CSMD1: variants seen among roughly 807,000 people sequenced by gnomAD.
CSMD1 encodes the protein CUB and Sushi multiple domains 1, also known as CUB and sushi domain-containing protein 1.
In CSMD1, 213 loss-of-function variants were observed where a neutral mutation model predicts 417.5. The ratio of observed to expected loss-of-function variants is 0.51; its 90% CI spans 0.46 to 0.57. CSMD1 has a LOEUF of 0.57. Among genes scored for constraint, CSMD1 ranks in the 20% least tolerant of loss-of-function variants. The probability of loss-of-function intolerance (pLI) is 0.00; values close to 1 mark genes in which losing one functional copy is unlikely to be tolerated. For missense variants in CSMD1, 6,923 were observed against 4,529.7 expected (o/e 1.53, Z -15.17); for synonymous variants, 2,862 against 1,736.8 (o/e 1.65, Z -16.11).
intron 3 of CSMD1, among the ~76,000 whole-genome samples, chr8:4,144,853 G>T (rs921792369): frequency 6.6e-6 from 1 of 150,918 alleles, no homozygotes; most frequent in African/African-American, 2.5e-5. Flanking sequence ...GGAACCAGGG[G>T]AATTGTGTCC....
intron 2 of CSMD1, among the ~76,000 whole-genome samples, chr8:4,483,181 T>A (rs562756350): frequency 6.6e-6 from 1 of 152,286 alleles, no homozygotes; most frequent in Admixed American, 6.5e-5. Flanking sequence ...CCATTTCACT[T>A]GGTTCTCATT....
intron 3 of CSMD1, among the ~76,000 whole-genome samples, chr8:4,325,599 C>A (rs911727036): frequency 7.9e-5 from 12 of 152,120 alleles, no homozygotes; most frequent in African/African-American, 2.9e-4. Context: ...TTATAGTAGG[C>A]AGGGCAACAT....
chr8:4,020,675 G>C (rs79716520), intron 4 of CSMD1, among the ~76,000 whole-genome samples: 3,696 of 152,266 alleles, frequency 0.024, 66 homozygotes, highest in Non-Finnish European at 0.035. Flanking sequence ...AGATAACAAA[G>C]CTGTTTTCAT....
chr8:4,053,727 A>T (rs1798551839), intron 3 of CSMD1, among the ~76,000 whole-genome samples: 2 of 152,122 alleles, frequency 1.3e-5, no homozygotes, highest in South Asian at 4.1e-4. Flanking sequence ...AATGCTCCAG[A>T]ACTGGCTTCT....
At chr8:3,510,500 C>A (rs1014879605) in intron 10 of CSMD1, among the ~76,000 whole-genome samples, 6 of 151,812 alleles carry the variant, frequency 4.0e-5, no homozygotes, top group Non-Finnish European at 7.4e-5. Flanking sequence ...AAAATGAGGT[C>A]TTAGGAAAGA....
chr8:4,309,896 C>A (rs961188909), intron 3 of CSMD1, among the ~76,000 whole-genome samples: 1 of 152,136 alleles, frequency 6.6e-6, no homozygotes, highest in Non-Finnish European at 1.5e-5. Flanking sequence ...ACATGTGCTT[C>A]AACTATGAAA....
intron 27 of CSMD1, among the ~76,000 whole-genome samples, chr8:3,229,260 A>G (rs924243393): frequency 5.3e-5 from 8 of 152,230 alleles, no homozygotes; most frequent in Non-Finnish European, 2.9e-5. Context: ...CAGACAGATT[A>G]TAAAGAAGTA....
intron 47 of CSMD1, among the ~76,000 whole-genome samples, chr8:3,095,272 T>C (rs1041035840): frequency 3.9e-5 from 6 of 152,114 alleles, no homozygotes; most frequent in Admixed American, 1.3e-4. Context: ...GCCTGTGAGG[T>C]TGGATGCTCT....
intron 7 of CSMD1, among the ~76,000 whole-genome samples, chr8:3,695,116 G>GTGTGTGTGTGTGT (rs61279256): frequency 1.1e-4 from 17 of 150,858 alleles, no homozygotes; most frequent in East Asian, 2.0e-4. Context: ...GTGTGTGTGT[G>GTGTGTGTGTGTGT]GTTATTGAAG....
intron 39 of CSMD1, among the ~76,000 whole-genome samples, chr8:3,156,291 G>A (rs770802315): frequency 6.6e-6 from 1 of 152,190 alleles, no homozygotes; most frequent in Non-Finnish European, 1.5e-5. Flanking sequence ...AAGACTGTGG[G>A]GAACAATAAA....
At chr8:4,905,768 C>T (rs13253639) in intron 1 of CSMD1, among the ~76,000 whole-genome samples, 39,923 of 140,346 alleles carry the variant, frequency 0.28, 6,726 homozygotes, top group Non-Finnish European at 0.4. Flanking sequence ...TGCAGTGAGC[C>T]GAGATTGTGC....
intron 3 of CSMD1, among the ~76,000 whole-genome samples, chr8:4,303,420 C>CTTTTTTTTT (rs1563419612): frequency 1.6e-4 from 15 of 92,314 alleles, no homozygotes; most frequent in African/African-American, 3.9e-4. Context: ...GGGCAGGAAG[C>CTTTTTTTTT]TGTTTTTTTT....
At chr8:3,883,279 C>T (rs1806326551) in intron 5 of CSMD1, among the ~76,000 whole-genome samples, 1 of 152,082 alleles carries the variant, frequency 6.6e-6, no homozygotes, top group South Asian at 2.1e-4. Context: ...GTATTTCCAG[C>T]TCACATGTTT....
At chr8:4,679,953 G>A (rs549763099) in intron 1 of CSMD1, among the ~76,000 whole-genome samples, 2 of 152,134 alleles carry the variant, frequency 1.3e-5, no homozygotes, top group Non-Finnish European at 2.9e-5. Flanking sequence ...TAACAGGGCA[G>A]ATTTAGAACC....
intron 2 of CSMD1, among the ~76,000 whole-genome samples, chr8:4,452,523 C>T (rs901783559): frequency 5.3e-5 from 8 of 152,280 alleles, no homozygotes; most frequent in African/African-American, 1.9e-4. Flanking sequence ...AGTTCATTAA[C>T]TCAACAATTA....
intron 49 of CSMD1, among the ~76,000 whole-genome samples, chr8:3,066,670 G>A (rs1237683358): frequency 6.6e-6 from 1 of 152,134 alleles, no homozygotes; most frequent in Non-Finnish European, 1.5e-5. Flanking sequence ...AATCGTATTT[G>A]TCAAATGGCT....
intron 5 of CSMD1, among the ~76,000 whole-genome samples, chr8:3,794,441 G>C (rs998218493): frequency 2.0e-5 from 3 of 151,998 alleles, no homozygotes; most frequent in African/African-American, 7.3e-5. Flanking sequence ...AGTGATCATA[G>C]AATCAGTACT....
chr8:3,587,164 C>G (rs976397110), intron 8 of CSMD1, among the ~76,000 whole-genome samples: 1 of 152,308 alleles, frequency 6.6e-6, no homozygotes, highest in East Asian at 1.9e-4. Context: ...GGCTCCAGAG[C>G]TGCATTTGCA....
intron 51 of CSMD1, among the ~76,000 whole-genome samples, chr8:3,027,878 A>G (rs1366461621): frequency 6.6e-6 from 1 of 152,234 alleles, no homozygotes; most frequent in African/African-American, 2.4e-5. Context: ...ACGCCTTGCT[A>G]CTAATGAGTT....
Sources: gnomAD v4.1 joint callset for allele counts (sites outside exome capture counted in the v4.1 genomes callset) on GRCh38, gnomAD v4.1.1 for gene constraint, MANE v1.5 for transcripts, NCBI Gene and HGNC (gene_info 2026-07-23, HGNC 2026-07-21) for gene names.